Variants in DHRSX observed in about 807,000 individuals in gnomAD.
DHRSX encodes dehydrogenase/reductase X-linked, also known as polyprenol dehydrogenase.
A neutral mutation model predicts 34.0 loss-of-function variants in DHRSX; 31 were observed. That is an observed-to-expected ratio of 0.91 (90% CI 0.69 to 1.23). The LOEUF is 1.23. DHRSX is among the 50% of genes most tolerant of loss of function. The probability of loss-of-function intolerance (pLI) is 0.00; values close to 1 mark genes in which losing one functional copy is unlikely to be tolerated. For missense variants in DHRSX, 414 were observed against 428.1 expected (o/e 0.97, Z 0.29); for synonymous variants, 201 against 183.8 (o/e 1.09, Z -0.76).
chrX:2,423,125 A>G (rs1047891454), intron 2 of DHRSX, among the ~76,000 whole-genome samples: 10 of 149,944 alleles, frequency 6.7e-5, no homozygotes, highest in African/African-American at 2.4e-4. Context: ...TTTTTAAATG[A>G]GCCAGGGCCA....
At chrX:2,271,722 T>C (rs2041557378) in intron 4 of DHRSX, among the ~76,000 whole-genome samples, 1 of 152,124 alleles carries the variant, frequency 6.6e-6, no homozygotes, top group Admixed American at 6.6e-5. Context: ...CTGAGAAGTA[T>C]GTCAGAATTC....
intron 1 of DHRSX, among the ~76,000 whole-genome samples, chrX:2,435,999 C>T (rs758250590): frequency 1.3e-5 from 2 of 152,154 alleles, no homozygotes; most frequent in African/African-American, 4.8e-5. Context: ...TTGAGACCAG[C>T]CCAATCAACA....
At chrX:2,489,309 C>T (rs2045054303) in intron 1 of DHRSX, 3 of 1,613,910 alleles carry the variant, frequency 1.9e-6, no homozygotes, top group East Asian at 2.2e-5. Flanking sequence ...AAGGTGGCCA[C>T]GTTGAGAAAC....
chrX:2,243,519 C>A (rs1221397555), intron 5 of DHRSX, among the ~76,000 whole-genome samples: 1 of 152,012 alleles, frequency 6.6e-6, no homozygotes, highest in African/African-American at 2.4e-5. Context: ...AGAGTCCCCC[C>A]TCTGTCGCCC....
intron 5 of DHRSX, among the ~76,000 whole-genome samples, chrX:2,255,432 C>G (rs1050134627): frequency 1.5e-4 from 23 of 152,204 alleles, no homozygotes; most frequent in African/African-American, 5.3e-4. Flanking sequence ...TTAGTCTATA[C>G]TGGATGATTT....
At chrX:2,467,712 C>T (rs28669069) in intron 1 of DHRSX, among the ~76,000 whole-genome samples, 13,623 of 152,112 alleles carry the variant, frequency 0.09, 758 homozygotes, top group East Asian at 0.21. Flanking sequence ...TGGTGGCTCA[C>T]ACCTGTAATC....
At position 2,315,083 on chromosome X, in the gene DHRSX, G is replaced by A. The variant is rs761423541; in HGVS notation, c.287-23480C>T. On this transcript the variant is annotated intron_variant, in intron 3 of 6. Transcript: ENST00000334651. ...TGAGGCAGGAGAATTGCCTGAACCCGGGAGGTGGAGGTTGCGGTGAGCTGA... is the reference window on the plus strand; with the variant it reads ...TGAGGCAGGAGAATTGCCTGAACCCAGGAGGTGGAGGTTGCGGTGAGCTGA... Among the ~76,000 whole-genome samples the A allele has an allele frequency of 1.8e-4, 27 of 152,172 alleles. 1 individual carries two copies. In the South Asian group the frequency reaches 4.4e-3, roughly 25 times the overall value.
At chrX:2,480,193 G>A (rs2044747996) in intron 1 of DHRSX, among the ~76,000 whole-genome samples, 1 of 151,826 alleles carries the variant, frequency 6.6e-6, no homozygotes, top group East Asian at 1.9e-4. Flanking sequence ...CCATGAAAAA[G>A]GAAATCCTGC....
Position 2,455,453 on chromosome X carries a change from G to T in DHRSX, c.110-30149C>A, listed in dbSNP as rs139005814. ...ATGTGCCCCTCAACCTGAAATAAAA[G>T]TAAAAACAAGTAGGCCGGGAGCAGT... is the stretch of plus-strand genomic sequence containing the variant. On this transcript the variant is annotated intron_variant, in intron 1 of 6. Coordinates refer to ENST00000334651, the MANE Select transcript of DHRSX (RefSeq NM_145177.3). Among the ~76,000 whole-genome samples the T allele has an allele frequency of 4.3e-3, 659 of 151,876 alleles. 2 individuals carry two copies. The highest frequency in any genetic ancestry group is 0.015 in the African/African-American group (631 of 41,310).
intron 2 of DHRSX, among the ~76,000 whole-genome samples, chrX:2,423,091 C>A (rs1447875806): frequency 1.3e-5 from 2 of 151,248 alleles, no homozygotes; most frequent in Non-Finnish European, 2.9e-5. Context: ...GCATAAGCCA[C>A]CACGCCCAGC....
chrX:2,270,519 T>C (rs2041535462), intron 4 of DHRSX, among the ~76,000 whole-genome samples: 1 of 152,176 alleles, frequency 6.6e-6, no homozygotes, highest in Non-Finnish European at 1.5e-5. Context: ...CCGCACTGGA[T>C]GCCCCATTGC....
intron 6 of DHRSX, among the ~76,000 whole-genome samples, chrX:2,224,965 C>CACAT (rs372249887): frequency 0.86 from 128,185 of 149,792 alleles, 55,258 homozygotes; most frequent in East Asian, 0.95. Flanking sequence ...CACACATGCT[C>CACAT]ACATTCACAT....
chrX:2,388,952 C>T (rs28546916), intron 3 of DHRSX, among the ~76,000 whole-genome samples: 33,782 of 152,108 alleles, frequency 0.22, 4,873 homozygotes, highest in Non-Finnish European at 0.33. Context: ...AGGGAGAAGA[C>T]GGCGTCTACA....
chrX:2,499,190 G>A (rs1428097654), intron 1 of DHRSX, among the ~76,000 whole-genome samples: 1 of 152,060 alleles, frequency 6.6e-6, no homozygotes, highest in African/African-American at 2.4e-5. Context: ...CAAGCGCTTC[G>A]CCTGGCTGAC....
intron 2 of DHRSX, among the ~76,000 whole-genome samples, chrX:2,411,808 C>A (rs1331378628): frequency 1.3e-5 from 2 of 151,644 alleles, no homozygotes; most frequent in Non-Finnish European, 2.9e-5. Flanking sequence ...ATGGGAGCCT[C>A]CACCTTCTCA....
intron 4 of DHRSX, among the ~76,000 whole-genome samples, chrX:2,276,756 G>A (rs768494196): frequency 6.6e-6 from 1 of 151,386 alleles, no homozygotes. Flanking sequence ...AGGAGAGAGA[G>A]AGGGAGGGCA....
chrX:2,471,359 G>A (rs1462300720), intron 1 of DHRSX, among the ~76,000 whole-genome samples: 1 of 152,172 alleles, frequency 6.6e-6, no homozygotes, highest in Non-Finnish European at 1.5e-5. Context: ...CTGAGGTCAC[G>A]AGTTCGAGAG....
intron 1 of DHRSX, chrX:2,486,436 G>A (rs1569506353): frequency 6.6e-6 from 1 of 152,174 alleles, no homozygotes; most frequent in Non-Finnish European, 1.5e-5. Context: ...AGGAGCTAAT[G>A]CATTGCTCTG....
chrX:2,304,831 T>C (rs1349969274), intron 3 of DHRSX, among the ~76,000 whole-genome samples: 7 of 151,992 alleles, frequency 4.6e-5, no homozygotes, highest in Non-Finnish European at 1.0e-4. Context: ...GAAACACCAT[T>C]TGACCCAGCA....
Sources: allele counts gnomAD v4.1 joint callset (sites outside exome capture counted in the v4.1 genomes callset), GRCh38; gene constraint gnomAD v4.1.1; transcripts MANE v1.5; gene names NCBI Gene and HGNC (gene_info 2026-07-23, HGNC 2026-07-21).